ZNF438: variants seen among roughly 807,000 people sequenced by gnomAD.
The protein encoded by ZNF438 is zinc finger protein 438.
In ZNF438, 25 loss-of-function variants were observed where a neutral mutation model predicts 38.0. The observed-to-expected ratio is 0.66, with a 90% confidence interval of 0.48 to 0.92. The LOEUF is 0.92. Ranked by LOEUF, ZNF438 falls within the 40% of genes least tolerant of loss-of-function variation. ZNF438 has a pLI of 0.00. For synonymous variants in ZNF438, 372 were observed against 364.1 expected (o/e 1.02, Z -0.25); for missense variants, 1,007 against 999.6 (o/e 1.01, Z -0.10).
chr10:30,999,345 T>C (rs546452112), intron 1 of ZNF438: 3 of 152,428 alleles, frequency 2.0e-5, no homozygotes, highest in African/African-American at 7.2e-5. Flanking sequence ...CACCAGGGGC[T>C]CTGTTCACCT....
In ZNF438 at chr10:30,861,822, G is replaced by C. The variant is rs1301148587; in HGVS notation, c.38-11455C>G. On this transcript the variant is annotated intron_variant, in intron 4 of 5. Transcript: ENST00000413025. Reference sequence around the variant, plus strand: ...TATTTTTTGGCAAAAATAATTTGTAGCACGCAAAAGATTTTATTCATTATT... The same window carrying C: ...TATTTTTTGGCAAAAATAATTTGTACCACGCAAAAGATTTTATTCATTATT... 2.6e-5 allele frequency among the ~76,000 whole-genome samples: 4 copies of C among 152,096 alleles called. No homozygotes were observed. The East Asian group carries it at 7.7e-4, about 29-fold the overall frequency.
chr10:31,003,085 G>A (rs34064410), intron 1 of ZNF438, among the ~76,000 whole-genome samples: 64 of 152,238 alleles, frequency 4.2e-4, no homozygotes, highest in Non-Finnish European at 7.1e-4. Context: ...TGGGGAGTCT[G>A]GAAATGTGGG....
chr10:30,849,378 C>T (rs2033072972), exon 5 of ZNF438: 6 of 1,614,082 alleles, frequency 3.7e-6, no homozygotes, highest in Non-Finnish European at 5.1e-6. Context: ...AGCCTGCTTG[C>T]CACCTTGGTG....
intron 4 of ZNF438, among the ~76,000 whole-genome samples, chr10:30,876,049 TG>T (rs1284012301): frequency 6.6e-6 from 1 of 152,222 alleles, no homozygotes; most frequent in African/African-American, 2.4e-5. Context: ...TTTACAGATG[TG>T]GAAGCTGAGG....
chr10:30,872,003 G>C (rs982531093), intron 4 of ZNF438, among the ~76,000 whole-genome samples: 3 of 152,288 alleles, frequency 2.0e-5, no homozygotes, highest in African/African-American at 7.2e-5. Flanking sequence ...ACAGAGTTGA[G>C]AAAAGTGGTA....
chr10:30,998,711 T>C (rs2054329929), intron 1 of ZNF438, among the ~76,000 whole-genome samples: 1 of 152,136 alleles, frequency 6.6e-6, no homozygotes. Context: ...TGCATTCTAT[T>C]TGACTTCAAT....
intron 1 of ZNF438, among the ~76,000 whole-genome samples, chr10:30,981,781 G>A (rs919981116): frequency 6.6e-6 from 1 of 151,958 alleles, no homozygotes. Context: ...AGGAGGCTGA[G>A]GAAGGAGAAT....
intron 1 of ZNF438, among the ~76,000 whole-genome samples, chr10:30,964,630 G>A (rs568131768): frequency 1.3e-5 from 2 of 152,280 alleles, no homozygotes; most frequent in South Asian, 2.1e-4. Context: ...ATCTTTAATC[G>A]ATAACTAAAT....
intron 1 of ZNF438, among the ~76,000 whole-genome samples, chr10:30,983,226 C>T (rs1442611948): frequency 6.6e-6 from 1 of 152,202 alleles, no homozygotes; most frequent in Non-Finnish European, 1.5e-5. Context: ...CCGCAAACAC[C>T]ATGCCCATTG....
chr10:30,912,749 C>T (rs2043210542), intron 2 of ZNF438, among the ~76,000 whole-genome samples: 2 of 152,052 alleles, frequency 1.3e-5, no homozygotes, highest in South Asian at 2.1e-4. Context: ...TTAAAAAATG[C>T]TGTAATAACT....
intron 1 of ZNF438, among the ~76,000 whole-genome samples, chr10:30,963,118 C>T (rs547301311): frequency 1.8e-4 from 27 of 152,002 alleles, no homozygotes; most frequent in South Asian, 4.2e-4. Flanking sequence ...AGAGGTTGGC[C>T]GGGCACAGTG....
intron 3 of ZNF438, among the ~76,000 whole-genome samples, chr10:30,897,603 C>T (rs2041505451): frequency 6.6e-6 from 1 of 152,246 alleles, no homozygotes; most frequent in African/African-American, 2.4e-5. Flanking sequence ...CTGAAAACAG[C>T]AGGTTAACCC....
At chr10:30,908,038 A>G (rs926679046) in intron 3 of ZNF438, among the ~76,000 whole-genome samples, 70 of 152,144 alleles carry the variant, frequency 4.6e-4, no homozygotes, top group African/African-American at 1.6e-3. Flanking sequence ...CTTTAGGTTA[A>G]TTTATCTCAA....
intron 1 of ZNF438, among the ~76,000 whole-genome samples, chr10:31,013,294 G>A (rs2055891989): frequency 6.6e-6 from 1 of 151,962 alleles, no homozygotes; most frequent in Admixed American, 6.5e-5. Context: ...ACTCCAGCCT[G>A]GGCGACAGAG....
chr10:30,898,276 C>T (rs1433752754), intron 3 of ZNF438, among the ~76,000 whole-genome samples: 1 of 152,022 alleles, frequency 6.6e-6, no homozygotes, highest in East Asian at 1.9e-4. Context: ...ACAATGAGAA[C>T]AACAAGAATA....
At chr10:30,895,775 C>T (rs2041247511) in intron 3 of ZNF438, among the ~76,000 whole-genome samples, 1 of 151,994 alleles carries the variant, frequency 6.6e-6, no homozygotes, top group African/African-American at 2.4e-5. Context: ...TAGAAAAATG[C>T]AAATCAAAAC....
At chr10:31,024,827 T>C (rs558432657) in intron 1 of ZNF438, among the ~76,000 whole-genome samples, 2 of 152,154 alleles carry the variant, frequency 1.3e-5, no homozygotes, top group African/African-American at 2.4e-5. Context: ...TTGACAGATA[T>C]AAACCATGAA....
At chr10:30,861,259 G>A (rs2035536799) in intron 4 of ZNF438, among the ~76,000 whole-genome samples, 1 of 152,110 alleles carries the variant, frequency 6.6e-6, no homozygotes, top group Non-Finnish European at 1.5e-5. Flanking sequence ...CTAGTGCAAT[G>A]TAAATACTAT....
At chr10:30,986,030 G>A (rs1313515320) in intron 1 of ZNF438, among the ~76,000 whole-genome samples, 3 of 152,018 alleles carry the variant, frequency 2.0e-5, no homozygotes, top group Non-Finnish European at 2.9e-5. Flanking sequence ...AATTGCCTAC[G>A]AATTCAGTAT....
Sources: gnomAD v4.1 joint callset for allele counts (sites outside exome capture counted in the v4.1 genomes callset) on GRCh38, gnomAD v4.1.1 for gene constraint, MANE v1.5 for transcripts, NCBI Gene and HGNC (gene_info 2026-07-23, HGNC 2026-07-21) for gene names.